NELL1: variants seen among roughly 807,000 people sequenced by gnomAD.
NELL1 encodes the protein neural EGFL like 1, also known as protein kinase C-binding protein NELL1.
NELL1 carries 76 observed loss-of-function variants against 107.4 expected under a neutral mutation model. The observed-to-expected ratio is 0.71, with a 90% CI of 0.59 to 0.86. The LOEUF (loss-of-function observed/expected upper bound fraction) is 0.86. Ranked by LOEUF, NELL1 falls within the 40% of genes least tolerant of loss-of-function variation. NELL1 has a pLI of 0.00. For synonymous variants in NELL1, 353 were observed against 341.2 expected (o/e 1.03, Z -0.38); for missense variants, 1,024 against 1,005.5 (o/e 1.02, Z -0.25).
chr11:21,444,963 A>G (rs1853382755), intron 15 of NELL1, among the ~76,000 whole-genome samples: 1 of 152,154 alleles, frequency 6.6e-6, no homozygotes, highest in Admixed American at 6.6e-5. Context: ...GATTACCATG[A>G]GGTTTACAAA....
chr11:21,164,551 A>G (rs1856440742), intron 13 of NELL1, among the ~76,000 whole-genome samples: 2 of 152,204 alleles, frequency 1.3e-5, no homozygotes, highest in Non-Finnish European at 2.9e-5. Flanking sequence ...CTTTAGTGTT[A>G]TACACACTAG....
At chr11:21,397,851 C>G (rs1852014900) in intron 15 of NELL1, among the ~76,000 whole-genome samples, 1 of 151,184 alleles carries the variant, frequency 6.6e-6, no homozygotes, top group Non-Finnish European at 1.5e-5. Flanking sequence ...TATTAGAGGC[C>G]CAAGGGAGAC....
At chr11:20,918,120 A>G (rs1369210199) in intron 5 of NELL1, 62 bp from the exon 6 acceptor site, 18 of 885,142 alleles carry the variant, frequency 2.0e-5, no homozygotes, top group African/African-American at 9.9e-5. Flanking sequence ...ATGTGATTGC[A>G]TAGGGGACAT....
intron 15 of NELL1, among the ~76,000 whole-genome samples, chr11:21,404,005 A>ACCCCCCCC (rs71034518): frequency 1.2e-4 from 6 of 50,906 alleles, no homozygotes; most frequent in South Asian, 9.2e-4. Context: ...TCATTCCTGA[A>ACCCCCCCC]CCCCCCCCCC....
At chr11:21,261,005 A>T (rs1056965163) in intron 14 of NELL1, among the ~76,000 whole-genome samples, 5 of 151,818 alleles carry the variant, frequency 3.3e-5, no homozygotes, top group Non-Finnish European at 5.9e-5. Flanking sequence ...AATATTAAAG[A>T]ACCCTCTATA....
chr11:20,908,149 C>A (rs1850045819), intron 5 of NELL1, among the ~76,000 whole-genome samples: 1 of 152,132 alleles, frequency 6.6e-6, no homozygotes, highest in Admixed American at 6.5e-5. Flanking sequence ...TATGGCAATT[C>A]TTCAAAGATA....
chr11:20,963,812 G>T (rs1851336973), intron 12 of NELL1, among the ~76,000 whole-genome samples: 1 of 152,120 alleles, frequency 6.6e-6, no homozygotes, highest in African/African-American at 2.4e-5. Flanking sequence ...AACAAGACTG[G>T]CTTGCAAATT....
intron 5 of NELL1, among the ~76,000 whole-genome samples, chr11:20,910,276 C>A (rs1850097343): frequency 6.6e-6 from 1 of 152,204 alleles, no homozygotes; most frequent in African/African-American, 2.4e-5. Context: ...AGGCTGGGAA[C>A]TGGCACACCA....
At chr11:20,779,875 G>A (rs1346138249) in intron 2 of NELL1, among the ~76,000 whole-genome samples, 2 of 152,184 alleles carry the variant, frequency 1.3e-5, no homozygotes, top group African/African-American at 4.8e-5. Flanking sequence ...GTTCAGAGAG[G>A]TAAGGTACTT....
At chr11:21,572,168 C>A (rs1208409119) in intron 18 of NELL1, among the ~76,000 whole-genome samples, 2 of 151,762 alleles carry the variant, frequency 1.3e-5, no homozygotes, top group African/African-American at 4.8e-5. Context: ...CATTTCTTTT[C>A]CAAGAAGCTA....
intron 13 of NELL1, among the ~76,000 whole-genome samples, chr11:21,124,791 G>A (rs1241938547): frequency 6.6e-6 from 1 of 152,010 alleles, no homozygotes; most frequent in South Asian, 2.1e-4. Context: ...AGTACAGACA[G>A]GGTTTCTCCA....
intron 13 of NELL1, among the ~76,000 whole-genome samples, chr11:21,174,899 T>C (rs1335350789): frequency 6.6e-6 from 1 of 151,732 alleles, no homozygotes; most frequent in Admixed American, 6.6e-5. Flanking sequence ...TGGGATAACC[T>C]TGAGTTCATT....
chr11:21,391,341 T>C (rs1851874522), intron 15 of NELL1, among the ~76,000 whole-genome samples: 1 of 151,752 alleles, frequency 6.6e-6, no homozygotes, highest in Admixed American at 6.6e-5. Context: ...TGAGCATCTA[T>C]TGTTAAATCA....
intron 5 of NELL1, among the ~76,000 whole-genome samples, chr11:20,908,277 C>T (rs1227238825): frequency 6.6e-6 from 1 of 152,126 alleles, no homozygotes; most frequent in Non-Finnish European, 1.5e-5. Flanking sequence ...GCACTATTCA[C>T]AATAGCAAAG....
At chr11:20,789,073 A>C (rs1857024613) in intron 3 of NELL1, among the ~76,000 whole-genome samples, 4 of 152,088 alleles carry the variant, frequency 2.6e-5, no homozygotes, top group Admixed American at 2.6e-4. Flanking sequence ...CTGGTCTCTT[A>C]CTGCTATGGA....
intron 15 of NELL1, 32 bp downstream of exon 15, chr11:21,370,980 C>G (rs2133753316): frequency 6.8e-7 from 1 of 1,464,926 alleles, no homozygotes; most frequent in Non-Finnish European, 9.5e-7. Flanking sequence ...GGGATAGGGA[C>G]AAAGATTGGT....
intron 2 of NELL1, among the ~76,000 whole-genome samples, chr11:20,682,912 G>A (rs1045419974): frequency 1.3e-5 from 2 of 152,170 alleles, no homozygotes; most frequent in African/African-American, 4.8e-5. Context: ...ATTGCAGCAT[G>A]TAAAGTGCTT....
chr11:20,757,201 A>G (rs1360286919), intron 2 of NELL1, among the ~76,000 whole-genome samples: 1 of 150,546 alleles, frequency 6.6e-6, no homozygotes, highest in Non-Finnish European at 1.5e-5. Context: ...TTGTGATACC[A>G]TATATATATG....
chr11:21,011,593 T>C (rs576874757), intron 12 of NELL1, among the ~76,000 whole-genome samples: 28 of 152,154 alleles, frequency 1.8e-4, no homozygotes, highest in Non-Finnish European at 2.9e-4. Context: ...GGAGCTGAAG[T>C]GGACCCTGAA....
Sources: allele counts gnomAD v4.1 joint callset (sites outside exome capture counted in the v4.1 genomes callset), GRCh38; gene constraint gnomAD v4.1.1; transcripts MANE v1.5; gene names NCBI Gene and HGNC (gene_info 2026-07-23, HGNC 2026-07-21).